The following APMAP variants were observed in gnomAD, a reference collection of about 807,000 sequenced individuals.
The protein encoded by APMAP is adipocyte plasma membrane associated protein, also known as adipocyte plasma membrane-associated protein.
APMAP carries 33 observed loss-of-function variants against 43.6 expected under a neutral mutation model. The ratio of observed to expected loss-of-function variants is 0.76; its 90% CI spans 0.57 to 1.01. The LOEUF (loss-of-function observed/expected upper bound fraction) is 1.01, where lower values mean the gene tolerates loss of function less well. Ranked by LOEUF, APMAP falls within the 50% of genes least tolerant of loss-of-function variation. The pLI is 0.00. For missense variants in APMAP, 498 were observed against 540.7 expected (o/e 0.92, Z 0.78); for synonymous variants, 224 against 216.7 (o/e 1.03, Z -0.30).
intron 8 of APMAP, among the ~76,000 whole-genome samples, chr20:24,966,359 CA>C (rs954952884): frequency 1.7e-4 from 26 of 152,292 alleles, no homozygotes; most frequent in Admixed American, 4.6e-4. Context: ...TGATTACTTA[CA>C]AAAACCACCT....
intron 4 of APMAP, 73 bp from the exon 5 acceptor site, chr20:24,971,649 T>C (rs1325846163): frequency 1.0e-5 from 12 of 1,200,444 alleles, no homozygotes; most frequent in Non-Finnish European, 1.4e-5. Context: ...TATCCAAGCA[T>C]CTCATCCATC....
chr20:24,970,357 G>A lies in APMAP; in HGVS notation c.553C>T (p.Leu185=). 1 of 1,609,620 alleles carries A rather than the reference G, an allele frequency of 6.2e-7. No individual in the cohort carries two copies. The highest frequency in any genetic ancestry group is 8.5e-7 in the Non-Finnish European group (1 of 1,177,580). Residue 185 remains leucine (L), a synonymous_variant, in exon 6 of 9, where the codon CTG becomes TTG. Transcript: ENST00000217456. ...TCAATGGGTGTCTCGGAGGACAGCAGCAGTTTCACTTCACCTGAAGTTTAA... is the reference window on the plus strand; with the variant it reads ...TCAATGGGTGTCTCGGAGGACAGCAACAGTTTCACTTCACCTGAAGTTTAA... ...VNPWKREVKL[L]LSSETPIEGK... is the part of the protein sequence containing the mutation.
chr20:24,970,466 A>C, intron 5 of APMAP, 95 bp from the exon 6 acceptor site: 2 of 1,121,734 alleles, frequency 1.8e-6, no homozygotes, highest in Non-Finnish European at 2.5e-6. Flanking sequence ...AAAAAGAAAA[A>C]CTGAAACTTC....
rs1182954286 is a variant in APMAP at position 24,969,020 on chromosome 20, G to C, written c.913C>G (p.Pro305Ala). ...GAGCTGCTGGGCCGGATGTTGTCTG[G>C]AAATCCAGGCATGTTCTCCACAAAC... is the stretch of plus-strand genomic sequence containing the variant. ...DLFVENMPGF[P>A]DNIRPSSSGG... The change falls in exon 8 of 9, where the codon CCA becomes GCA. Residue 305 changes from proline (P) to alanine (A), a missense_variant. Pro to Ala is a conservative substitution (Grantham distance 27). Coordinates refer to ENST00000217456, the MANE Select transcript of APMAP (RefSeq NM_020531.3). The C allele has an allele frequency of 2.5e-6, 4 of 1,613,834 alleles. No homozygotes were observed. The highest frequency in any genetic ancestry group is 3.4e-6 in the Non-Finnish European group (4 of 1,179,976).
At position 24,964,147 on chromosome 20, in the gene APMAP, G is replaced by C. The variant is rs532361283; in HGVS notation, c.1042-125C>G. 2.9e-4 allele frequency: 294 copies of C among 1,023,656 alleles called. 1 individual carries two copies. In the African/African-American group the frequency reaches 4.0e-3, roughly 14 times the overall value. 63.4% of individuals were successfully genotyped at this position (1,023,656 alleles called of 1,614,324 possible). On this transcript the variant is annotated intron_variant, in intron 8 of 8. Coordinates refer to ENST00000217456, the MANE Select transcript of APMAP (RefSeq NM_020531.3). The stretch of plus-strand genomic sequence containing the variant: ...CTTCCCATGACAGGGCAGCCCCACA[G>C]GGCAGTGCCCCACAGGACAGCTAAT...
chr20:24,979,918 A>C (rs1249888039), intron 2 of APMAP, among the ~76,000 whole-genome samples: 1 of 152,010 alleles, frequency 6.6e-6, no homozygotes, highest in African/African-American at 2.4e-5. Flanking sequence ...CTCCACTTGG[A>C]ACAGCAACCA....
intron 1 of APMAP, among the ~76,000 whole-genome samples, chr20:24,986,559 C>A (rs971684870): frequency 2.0e-5 from 3 of 152,210 alleles, no homozygotes; most frequent in Admixed American, 6.5e-5. Flanking sequence ...GTCTACAAAG[C>A]ACAGAACTAC....
chr20:24,963,971 G>A lies in APMAP; in HGVS notation c.1093C>T (p.Leu365=), dbSNP rs1220350548. The change falls in exon 9 of 9, where the codon CTA becomes TTA. Residue 365 remains leucine (L), a synonymous_variant. Coordinates refer to ENST00000217456, the MANE Select transcript of APMAP (RefSeq NM_020531.3). ...MKFVPRYSLV[L]ELSDSGAFRR... Reference sequence around the variant, plus strand: ...AAGGCACCGCTGTCGCTGAGTTCTAGGACGAGGCTGTACCGCGGCACAAAC... The same window carrying A: ...AAGGCACCGCTGTCGCTGAGTTCTAAGACGAGGCTGTACCGCGGCACAAAC... The A allele has an allele frequency of 6.2e-7, 1 of 1,614,124 alleles. No individual in the cohort carries two copies. The highest frequency in any genetic ancestry group is 8.5e-7 in the Non-Finnish European group (1 of 1,180,052).
chr20:24,965,760 GGGCACAGCAACCACAGATT>G (rs1161304550), intron 8 of APMAP, among the ~76,000 whole-genome samples: 1 of 152,240 alleles, frequency 6.6e-6, no homozygotes, highest in African/African-American at 2.4e-5. Context: ...CCATGTGACA[GGGCACAGCAACCACAGATT>G]GGTCACATGC....
At chr20:24,975,298 C>A (rs796836450) in intron 3 of APMAP, among the ~76,000 whole-genome samples, 2 of 152,212 alleles carry the variant, frequency 1.3e-5, no homozygotes, top group South Asian at 2.1e-4. Flanking sequence ...TCAACAACAA[C>A]AAAAAACCCT....
chr20:24,977,721 G>C (rs898704616), intron 3 of APMAP, among the ~76,000 whole-genome samples: 4 of 152,216 alleles, frequency 2.6e-5, no homozygotes, highest in African/African-American at 9.7e-5. Flanking sequence ...AAGATCATTG[G>C]TTTGCACTTC....
chr20:24,987,252 T>G (rs1186726613), intron 1 of APMAP, among the ~76,000 whole-genome samples: 1 of 152,196 alleles, frequency 6.6e-6, no homozygotes, highest in African/African-American at 2.4e-5. Context: ...CCTCCCAAAG[T>G]AGCTAGGACT....
In APMAP at chr20:24,963,698, C is replaced by T. The variant is rs750757013; in HGVS notation, c.*115G>A. The T allele has an allele frequency of 1.4e-4, 147 of 1,079,378 alleles. No homozygotes were observed. Among genetic ancestry groups the T allele is most frequent in the Non-Finnish European group, 1.9e-4 (140 of 729,944 alleles). The allele number at this position is 1,079,378 out of a possible 1,614,324, so 66.9% of individuals were successfully genotyped here. On this transcript the variant is annotated 3_prime_UTR_variant, in exon 9 of 9. Coordinates refer to ENST00000217456, the MANE Select transcript of APMAP (RefSeq NM_020531.3). ...ATTCCCACCACCTCTCAGGGACTAACAGGTGCATGTGGACACTTGAACCAC... is the reference window on the plus strand; with the variant it reads ...ATTCCCACCACCTCTCAGGGACTAATAGGTGCATGTGGACACTTGAACCAC...
chr20:24,983,671 T>C (rs531332541), intron 2 of APMAP, among the ~76,000 whole-genome samples: 1 of 152,316 alleles, frequency 6.6e-6, no homozygotes, highest in Non-Finnish European at 1.5e-5. Context: ...GAATTTTTGT[T>C]TTTGGTTGAT....
intron 4 of APMAP, among the ~76,000 whole-genome samples, chr20:24,972,631 T>A (rs1175377343): frequency 1.3e-5 from 2 of 148,738 alleles, no homozygotes; most frequent in African/African-American, 5.0e-5. Flanking sequence ...CAGGTGCTTA[T>A]TGCAGGGTGC....
At chr20:24,979,395 T>C (rs2122513613) in intron 2 of APMAP, among the ~76,000 whole-genome samples, 1 of 152,292 alleles carries the variant, frequency 6.6e-6, no homozygotes, top group Non-Finnish European at 1.5e-5. Context: ...CTCCCGCTGA[T>C]ATTCTCGAGG....
intron 5 of APMAP, among the ~76,000 whole-genome samples, chr20:24,971,211 C>T (rs972838755): frequency 2.0e-5 from 3 of 152,080 alleles, no homozygotes; most frequent in African/African-American, 4.8e-5. Flanking sequence ...CCTTTTGAGA[C>T]CCTGTGGCTA....
At chr20:24,982,836 C>A (rs1017726044) in intron 2 of APMAP, among the ~76,000 whole-genome samples, 7 of 152,106 alleles carry the variant, frequency 4.6e-5, no homozygotes, top group Non-Finnish European at 8.8e-5. Context: ...AGGGGACCCC[C>A]CCCCGCCACC....
At chr20:24,988,850 G>T (rs1213869106) in intron 1 of APMAP, among the ~76,000 whole-genome samples, 1 of 152,190 alleles carries the variant, frequency 6.6e-6, no homozygotes, top group Non-Finnish European at 1.5e-5. Flanking sequence ...TCCTTGAGCT[G>T]CACTGTCCAA....
Sources: gnomAD v4.1 joint callset for allele counts (sites outside exome capture counted in the v4.1 genomes callset) on GRCh38, gnomAD v4.1.1 for gene constraint, MANE v1.5 for transcripts, NCBI Gene and HGNC (gene_info 2026-07-23, HGNC 2026-07-21) for gene names.